Variants in RPF1 observed in about 807,000 individuals in gnomAD.
RPF1 encodes ribosome production factor 1 homolog.
RPF1 carries 34 observed loss-of-function variants against 41.9 expected under a neutral mutation model. The ratio of observed to expected loss-of-function variants is 0.81; its 90% CI spans 0.62 to 1.08. The LOEUF is 1.08. Among genes scored for constraint, RPF1 ranks in the 50% least tolerant of loss-of-function variants. The pLI, the probability that RPF1 is intolerant of heterozygous loss-of-function variation, is 0.00. For synonymous variants in RPF1, 140 were observed against 148.9 expected, an observed-to-expected ratio of 0.94 and a Z score of 0.43; for missense variants, 425 against 435.2, an observed-to-expected ratio of 0.98 and a Z score of 0.21.
chr1:84,486,870 G>C (rs1681748919), intron 3 of RPF1, among the ~76,000 whole-genome samples: 1 of 152,120 alleles, frequency 6.6e-6, no homozygotes, highest in South Asian at 2.1e-4. Context: ...CAGAATATGA[G>C]ATAAATAGAG....
intron 1 of RPF1, among the ~76,000 whole-genome samples, chr1:84,480,516 T>G (rs1433587688): frequency 6.6e-6 from 1 of 152,142 alleles, no homozygotes; most frequent in African/African-American, 2.4e-5. Context: ...CTGGTGATGG[T>G]TTTATGGAAA....
At chr1:84,495,293 T>G (rs1262534249) in intron 5 of RPF1, 80 bp from the exon 6 acceptor site, 1 of 740,500 alleles carries the variant, frequency 1.4e-6, no homozygotes, top group Non-Finnish European at 2.3e-6. Flanking sequence ...TAGGGGCCTT[T>G]GGATGTAGAG....
At chr1:84,495,837 ATTAGC>A (rs748183638) in intron 6 of RPF1, 40 bp from the exon 7 acceptor site, 81 of 1,296,556 alleles carry the variant, frequency 6.2e-5, no homozygotes, top group African/African-American at 2.1e-4. Context: ...CGTATTGCCA[ATTAGC>A]TTAGCCCATT....
intron 5 of RPF1, among the ~76,000 whole-genome samples, chr1:84,493,333 A>G (rs892842946): frequency 2.4e-4 from 15 of 63,276 alleles, no homozygotes; most frequent in Admixed American, 1.7e-3. Flanking sequence ...CACTACTATC[A>G]AAAAAAAAAA....
chr1:84,482,858 C>A, intron 2 of RPF1, 57 bp from the exon 3 acceptor site: 2 of 1,072,412 alleles, frequency 1.9e-6, no homozygotes, highest in Non-Finnish European at 2.8e-6. Context: ...TTTTCTCCAA[C>A]AGTAATATAA....
rs941381851 is a variant in RPF1 at position 84,486,559 on chromosome 1, G to A, written c.367-3074G>A. Reference sequence around the variant, plus strand: ...GCCGAGATCGCGCCACTGCACTCCAGCATGGGCGACAGAGCGAGACTCCGT... The same window carrying A: ...GCCGAGATCGCGCCACTGCACTCCAACATGGGCGACAGAGCGAGACTCCGT... On this transcript the variant is annotated intron_variant, in intron 3 of 8. Transcript: ENST00000370654. 3.8e-5 allele frequency among the ~76,000 whole-genome samples: 5 copies of A among 132,604 alleles called. No individual in the cohort carries two copies. In the Admixed American group the frequency reaches 4.6e-4, roughly 12 times the overall value. 87.0% of individuals were successfully genotyped at this position (132,604 alleles called of 152,430 possible).
intron 4 of RPF1, 33 bp from the exon 5 acceptor site, chr1:84,490,286 A>G: frequency 1.4e-6 from 2 of 1,451,278 alleles, no homozygotes; most frequent in Non-Finnish European, 1.8e-6. Flanking sequence ...TTTTTTGAAA[A>G]CTATTCAAAA....
chr1:84,497,687 T>A lies in RPF1; in HGVS notation c.*217T>A. 2.4e-6 allele frequency: 1 copy of A among 417,696 alleles called. No homozygotes were observed. The highest frequency in any genetic ancestry group is 4.4e-6 in the Non-Finnish European group (1 of 229,136). 25.9% of individuals were successfully genotyped at this position (417,696 alleles called of 1,614,324 possible). Reference sequence around the variant, plus strand: ...ATGGCTTAGGTTTCCTTAAACTTAGTTCTCTTGTTTTTGGGTAACTGTGAA... The same window carrying A: ...ATGGCTTAGGTTTCCTTAAACTTAGATCTCTTGTTTTTGGGTAACTGTGAA... On this transcript the variant is annotated 3_prime_UTR_variant, in exon 9 of 9. Transcript: ENST00000370654.
At chr1:84,492,239 G>GT (rs1465883780) in intron 5 of RPF1, among the ~76,000 whole-genome samples, 8 of 148,682 alleles carry the variant, frequency 5.4e-5, no homozygotes, top group African/African-American at 1.8e-4. Flanking sequence ...GGTGACACAT[G>GT]GGGGGAAAGT....
intron 3 of RPF1, among the ~76,000 whole-genome samples, chr1:84,483,938 A>G (rs1306438149): frequency 1.3e-5 from 2 of 152,164 alleles, no homozygotes; most frequent in Non-Finnish European, 2.9e-5. Context: ...TAGGGATTTG[A>G]GATCCATCAG....
chr1:84,484,981 GT>G (rs1681712231), intron 3 of RPF1, among the ~76,000 whole-genome samples: 1 of 152,140 alleles, frequency 6.6e-6, no homozygotes, highest in African/African-American at 2.4e-5. Context: ...CAGACCAGAA[GT>G]CTTTTTGGAT....
Position 84,497,532 on chromosome 1 carries a change from T to G in RPF1, c.*62T>G, listed in dbSNP as rs1681964236. ...GCCTATCTTGAACTTTGGTAAATTATTTTTGACAGAATACTCTTTTCAAAA... is the reference window on the plus strand; with the variant it reads ...GCCTATCTTGAACTTTGGTAAATTAGTTTTGACAGAATACTCTTTTCAAAA... On this transcript the variant is annotated 3_prime_UTR_variant, in exon 9 of 9. Transcript: ENST00000370654. The G allele has an allele frequency of 8.0e-7, 1 of 1,253,342 alleles. No homozygotes were observed. Among genetic ancestry groups the G allele is most frequent in the African/African-American group, 1.5e-5 (1 of 65,396 alleles). The allele number at this position is 1,253,342 out of a possible 1,614,324, so 77.6% of individuals were successfully genotyped here.
intron 4 of RPF1, 53 bp from the exon 5 acceptor site, chr1:84,490,266 A>AT: frequency 1.6e-6 from 2 of 1,260,392 alleles, no homozygotes; most frequent in South Asian, 3.4e-5. Context: ...ACCACATAAG[A>AT]TTTTTATTCT....
At chr1:84,489,554 C>T (rs1315771383) in intron 3 of RPF1, 79 bp from the exon 4 acceptor site, 1 of 787,508 alleles carries the variant, frequency 1.3e-6, no homozygotes, top group Non-Finnish European at 2.2e-6. Context: ...GTCCAACAGT[C>T]CTGCTGATGC....
intron 5 of RPF1, among the ~76,000 whole-genome samples, chr1:84,491,710 G>C (rs549888804): frequency 6.6e-6 from 1 of 151,568 alleles, no homozygotes; most frequent in Admixed American, 6.6e-5. Context: ...TTTTATTTTT[G>C]GCAGTTAAAA....
chr1:84,497,317 A>G (rs1246159), intron 8 of RPF1, 112 bp from the exon 9 acceptor site: 288,000 of 790,756 alleles, frequency 0.36, 56,712 homozygotes, highest in African/African-American at 0.64. Flanking sequence ...GTTTTTCAGC[A>G]CTAGTGTTAC....
chr1:84,496,864 TTTG>T (rs780136592), intron 8 of RPF1, among the ~76,000 whole-genome samples: 67 of 152,262 alleles, frequency 4.4e-4, no homozygotes, highest in South Asian at 6.2e-4. Context: ...TGAAAACTTT[TTTG>T]TTGTTGTTGT....
chr1:84,487,537 C>A (rs1681757414), intron 3 of RPF1, among the ~76,000 whole-genome samples: 2 of 152,114 alleles, frequency 1.3e-5, no homozygotes, highest in Admixed American at 1.3e-4. Context: ...TCTTCCAATT[C>A]ATGAATTCTC....
At chr1:84,495,263 ATTCAC>A (rs1175154753) in intron 5 of RPF1, 105 bp from the exon 6 acceptor site, 3 of 652,710 alleles carry the variant, frequency 4.6e-6, no homozygotes, top group Non-Finnish European at 8.0e-6. Context: ...ACATCTGCCT[ATTCAC>A]TTGGGTACAG....
Sources: allele counts gnomAD v4.1 joint callset (sites outside exome capture counted in the v4.1 genomes callset), GRCh38; gene constraint gnomAD v4.1.1; transcripts MANE v1.5; gene names NCBI Gene and HGNC (gene_info 2026-07-23, HGNC 2026-07-21).